Variants in TTBK2 observed in about 807,000 individuals in gnomAD.
TTBK2 encodes the protein tau-tubulin kinase 2.
Under a neutral mutation model 110.8 loss-of-function variants are expected in TTBK2, and 28 were observed. That is an observed-to-expected ratio of 0.25 (90% CI 0.19 to 0.35). TTBK2 has a LOEUF of 0.35. Among genes scored for constraint, TTBK2 ranks in the 10% least tolerant of loss-of-function variants. TTBK2 has a pLI of 1.00. For synonymous variants in TTBK2, 532 were observed against 527.3 expected (o/e 1.01, Z -0.12); for missense variants, 1,369 against 1,500.3 (o/e 0.91, Z 1.45).
chr15:42,857,996 T>C (rs961722285), intron 3 of TTBK2, among the ~76,000 whole-genome samples: 2 of 151,842 alleles, frequency 1.3e-5, no homozygotes, highest in African/African-American at 4.8e-5. Flanking sequence ...GGCACAAGGA[T>C]CACTTGAACC....
At chr15:42,913,895 A>G (rs1358211506) in intron 1 of TTBK2, among the ~76,000 whole-genome samples, 2 of 152,166 alleles carry the variant, frequency 1.3e-5, no homozygotes, top group Non-Finnish European at 2.9e-5. Context: ...CATTATGTCT[A>G]TGATCTTCCC....
chr15:42,767,149 T>C (rs1412388666), intron 13 of TTBK2, among the ~76,000 whole-genome samples: 1 of 152,128 alleles, frequency 6.6e-6, no homozygotes. Context: ...TAGAGGGAAA[T>C]TTATAGTACT....
chr15:42,844,483 T>C (rs547064574), intron 3 of TTBK2, among the ~76,000 whole-genome samples: 2 of 152,284 alleles, frequency 1.3e-5, no homozygotes, highest in East Asian at 3.9e-4. Context: ...CAGTTGAGTC[T>C]GGGAGGTCAA....
intron 9 of TTBK2, chr15:42,800,994 A>G (rs1207776642): frequency 2.6e-6 from 2 of 762,096 alleles, no homozygotes; most frequent in African/African-American, 1.7e-5. Context: ...GGACTCAGAC[A>G]CTAGCTTCCC....
chr15:42,887,328 C>G (rs1895283670), intron 1 of TTBK2, among the ~76,000 whole-genome samples: 1 of 152,080 alleles, frequency 6.6e-6, no homozygotes, highest in Non-Finnish European at 1.5e-5. Context: ...TCAAAGACTC[C>G]TTCACATCCT....
chr15:42,912,981 C>T lies in TTBK2; in HGVS notation c.-68+7457G>A, dbSNP rs1302075644. Among the ~76,000 whole-genome samples the T allele has an allele frequency of 3.4e-5, 5 of 146,614 alleles. No individual in the cohort carries two copies. In the East Asian group the frequency reaches 8.5e-4, roughly 25 times the overall value. ...TCTACTAAAAATACAAAAAATTAGC[C>T]GGGCGCGGTGGCGGGCGCCTGTAGT... On this transcript the variant is annotated intron_variant, in intron 1 of 14. Coordinates refer to ENST00000267890, the MANE Select transcript of TTBK2 (RefSeq NM_173500.4).
chr15:42,810,092 T>C lies in TTBK2; in HGVS notation c.822+522A>G, dbSNP rs537217263. On this transcript the variant is annotated intron_variant, in intron 9 of 14. Transcript: ENST00000267890. ...CTTCTGAAATACCGCTGGTTGGGGTTAGGGATGTAATTTGTAGTAAACCTA... is the reference window on the plus strand; with the variant it reads ...CTTCTGAAATACCGCTGGTTGGGGTCAGGGATGTAATTTGTAGTAAACCTA... Among the ~76,000 whole-genome samples, 194 of 152,332 alleles carry C rather than the reference T, an allele frequency of 1.3e-3. No homozygotes were observed. The Middle Eastern group carries it at 0.017, about 13-fold the overall frequency.
intron 7 of TTBK2, among the ~76,000 whole-genome samples, chr15:42,816,441 A>G (rs1332456286): frequency 1.3e-5 from 2 of 151,904 alleles, no homozygotes; most frequent in Non-Finnish European, 2.9e-5. Context: ...AAAGACATAA[A>G]TATACTTAGC....
At position 42,752,021 on chromosome 15, in the gene TTBK2, A is replaced by G. The variant is rs761646806; in HGVS notation, c.3225T>C (p.Pro1075=). 4.7e-5 allele frequency: 76 copies of G among 1,614,192 alleles called. No homozygotes were observed. The South Asian group carries it at 8.0e-4, about 17-fold the overall frequency. The change falls in exon 14 of 15, where the codon CCT becomes CCC. Residue 1075 remains proline (P), a synonymous_variant. Transcript: ENST00000267890. ...TGGGTGGCTTTCCTGGTGGTGGCCG[A>G]GGAAAGAACTGAGACGAAGTTGAGC... The part of the protein sequence containing the change: ...VNSSTSSQFF[P]RPPPGKPPTR...
Position 42,885,853 on chromosome 15 carries a change from G to A in TTBK2, c.-67-7169C>T, listed in dbSNP as rs187056359. ...AGAACTTAAAACCTCTTCAACTCTCGCCTGACCTAAAATCTAAGCGTTTTA... is the reference window on the plus strand; with the variant it reads ...AGAACTTAAAACCTCTTCAACTCTCACCTGACCTAAAATCTAAGCGTTTTA... On this transcript the variant is annotated intron_variant, in intron 1 of 14. Transcript: ENST00000267890. Among the ~76,000 whole-genome samples, 83 of 151,960 alleles carry A rather than the reference G, an allele frequency of 5.5e-4. 1 individual carries two copies. In the East Asian group the frequency reaches 0.012, roughly 22 times the overall value.
chr15:42,752,431 CA>C lies in TTBK2; in HGVS notation c.2814del (p.Phe938LeufsTer2). Reference sequence around the variant, plus strand: ...ACAGGGATTCGGCTGTGTCTAGTTACAAAGGATGACCTAACCATATCCTTCC... The same window carrying C: ...ACAGGGATTCGGCTGTGTCTAGTTACAAGGATGACCTAACCATATCCTTCC... ...PTRKDMVRSSFVTRHSRIPVL... is the reference protein window; with the variant it reads ...PTRKDMVRSSXVTRHSRIPVL... On this transcript the variant is annotated frameshift_variant, in exon 14 of 15. Transcript: ENST00000267890. LOFTEE classifies it high-confidence loss of function. 1 of 1,614,170 alleles carries C rather than the reference CA, an allele frequency of 6.2e-7. No individual in the cohort carries two copies. The highest frequency in any genetic ancestry group is 8.5e-7 in the Non-Finnish European group (1 of 1,180,034).
chr15:42,819,934 T>G (rs1595947507), intron 6 of TTBK2, among the ~76,000 whole-genome samples: 2 of 152,312 alleles, frequency 1.3e-5, no homozygotes, highest in South Asian at 4.1e-4. Context: ...CCAGACTTAT[T>G]ATCACATTCT....
intron 13 of TTBK2, among the ~76,000 whole-genome samples, chr15:42,756,627 G>C (rs1465654117): frequency 1.9e-4 from 29 of 152,052 alleles, no homozygotes. Context: ...GGTCTTCTGA[G>C]ATTGAAGCTA....
At chr15:42,799,068 A>G (rs1891064048) in intron 9 of TTBK2, among the ~76,000 whole-genome samples, 1 of 152,088 alleles carries the variant, frequency 6.6e-6, no homozygotes, top group Non-Finnish European at 1.5e-5. Context: ...ATATTACAAA[A>G]TCCTAAAAAA....
chr15:42,905,343 A>C (rs1312730539), intron 1 of TTBK2, among the ~76,000 whole-genome samples: 2 of 152,138 alleles, frequency 1.3e-5, no homozygotes, highest in African/African-American at 4.8e-5. Context: ...GCATAATCCC[A>C]GCTCATTGCA....
At chr15:42,785,167 T>G (rs1285459047) in intron 10 of TTBK2, among the ~76,000 whole-genome samples, 2 of 141,274 alleles carry the variant, frequency 1.4e-5, no homozygotes, top group Non-Finnish European at 3.0e-5. Flanking sequence ...TCTCTCAGGC[T>G]GGGGTGCAGT....
Position 42,794,825 on chromosome 15 carries a change from G to C in TTBK2, c.823-24C>G, listed in dbSNP as rs1008262365. 9 of 1,613,414 alleles carry C rather than the reference G, an allele frequency of 5.6e-6. No homozygotes were observed. In the African/African-American group the frequency reaches 1.2e-4, roughly 22 times the overall value. Reference sequence around the variant, plus strand: ...AGCTAAACCACAAAGAAAAAAACTAGAGTAAGTGAACAGTAAACATAGTCA... The same window carrying C: ...AGCTAAACCACAAAGAAAAAAACTACAGTAAGTGAACAGTAAACATAGTCA... On this transcript the variant is annotated intron_variant, in intron 9 of 14. Coordinates refer to ENST00000267890, the MANE Select transcript of TTBK2 (RefSeq NM_173500.4).
intron 1 of TTBK2, among the ~76,000 whole-genome samples, chr15:42,890,011 G>A (rs920244137): frequency 2.0e-5 from 3 of 152,170 alleles, no homozygotes; most frequent in Admixed American, 1.3e-4. Context: ...TGACCTGCAC[G>A]TATATATCCA....
At position 42,742,870 on chromosome 15, in the gene TTBK2, A is replaced by G. The variant is rs2061759190; in HGVS notation, c.*2925T>C. On this transcript the variant is annotated 3_prime_UTR_variant, in exon 15 of 15. Coordinates refer to ENST00000267890, the MANE Select transcript of TTBK2 (RefSeq NM_173500.4). ...ATATGCCATCACTAAGAGAACCCCC[A>G]AATAAAAAATAAAGAACTAAAAAAC... 1 of 152,160 alleles carries G rather than the reference A, an allele frequency of 6.6e-6. No homozygotes were observed. Among genetic ancestry groups the G allele is most frequent in the Non-Finnish European group, 1.5e-5 (1 of 68,016 alleles). The allele number at this position is 152,160 out of a possible 1,614,324, so 9.4% of individuals were successfully genotyped here.
Sources: gnomAD v4.1 joint callset for allele counts (sites outside exome capture counted in the v4.1 genomes callset) on GRCh38, gnomAD v4.1.1 for gene constraint, MANE v1.5 for transcripts, NCBI Gene and HGNC (gene_info 2026-07-23, HGNC 2026-07-21) for gene names.